The following SCN11A variants were observed in gnomAD, a reference collection of about 807,000 sequenced individuals.
The protein encoded by SCN11A is sodium voltage-gated channel alpha subunit 11.
Under a neutral mutation model 162.2 loss-of-function variants are expected in SCN11A, and 122 were observed. The ratio of observed to expected loss-of-function variants is 0.75; its 90% CI spans 0.65 to 0.87. The LOEUF (loss-of-function observed/expected upper bound fraction) is 0.87, where lower values mean the gene tolerates loss of function less well. Ranked by LOEUF, SCN11A falls within the 40% of genes least tolerant of loss-of-function variation. The pLI is 0.00. For synonymous variants in SCN11A, 758 were observed against 751.5 expected (o/e 1.01, Z -0.14); for missense variants, 2,015 against 2,181.6 (o/e 0.92, Z 1.52).
chr3:38,913,141 C>T lies in SCN11A; in HGVS notation c.960-2934G>A, dbSNP rs546682344. Among the ~76,000 whole-genome samples the T allele has an allele frequency of 3.3e-5, 5 of 152,196 alleles. No individual in the cohort carries two copies. In the South Asian group the frequency reaches 6.2e-4, roughly 19 times the overall value. The stretch of plus-strand genomic sequence containing the variant: ...TCCCTTTTCTCCACAACATTGCCAG[C>T]GTCTGTTATTTTTTGACTCTAATGA... On this transcript the variant is annotated intron_variant, in intron 11 of 29. Transcript: ENST00000302328.
chr3:38,909,184 G>T lies in SCN11A; in HGVS notation c.1112C>A (p.Thr371Asn). 6.2e-7 allele frequency: 1 copy of T among 1,613,962 alleles called. No homozygotes were observed. The highest frequency in any genetic ancestry group is 8.5e-7 in the Non-Finnish European group (1 of 1,179,870). The change falls in exon 13 of 30, where the codon ACT (threonine) becomes AAT (asparagine). Residue 371 changes from threonine (T) to asparagine (N), a missense_variant. By Grantham distance (65) the Thr-to-Asn change is moderately conservative (BLOSUM62 0). Coordinates refer to ENST00000302328, the MANE Select transcript of SCN11A (RefSeq NM_001349253.2). Reference protein sequence around the residue: ...WEKLYQQTLRTTGLYSVFFFI... With the variant: ...WEKLYQQTLRNTGLYSVFFFI... ...GAAGAAGACTGAGTAGAGCCCAGTA[G>T]TACGCAGGGTCTGCAAAGGACAGAG...
intron 28 of SCN11A, among the ~76,000 whole-genome samples, chr3:38,859,728 G>T (rs2064932008): frequency 6.6e-6 from 1 of 152,114 alleles, no homozygotes; most frequent in Non-Finnish European, 1.5e-5. Flanking sequence ...TCATTCCTGG[G>T]CATAGGCTGA....
At chr3:38,987,278 TTCTC>T (rs10546388) in intron 2 of SCN11A, among the ~76,000 whole-genome samples, 6,452 of 118,496 alleles carry the variant, frequency 0.054, 203 homozygotes, top group African/African-American at 0.092. Flanking sequence ...CCCAGTGCCT[TTCTC>T]TCTCTCTCTC....
intron 2 of SCN11A, among the ~76,000 whole-genome samples, chr3:39,019,842 C>A (rs1313277158): frequency 6.6e-6 from 1 of 152,184 alleles, no homozygotes; most frequent in Non-Finnish European, 1.5e-5. Context: ...TTCTTATCAT[C>A]GCTTTCATTG....
chr3:38,995,413 C>T (rs994983510), intron 2 of SCN11A, among the ~76,000 whole-genome samples: 1 of 152,154 alleles, frequency 6.6e-6, no homozygotes, highest in African/African-American at 2.4e-5. Context: ...AGCCATGGCA[C>T]CCGGCCAATT....
At chr3:39,048,310 A>G (rs2032233965) in intron 1 of SCN11A, among the ~76,000 whole-genome samples, 1 of 152,244 alleles carries the variant, frequency 6.6e-6, no homozygotes, top group African/African-American at 2.4e-5. Flanking sequence ...GTGAAAGAGA[A>G]ATAAGTTGAT....
At chr3:39,044,796 T>C (rs1028649928) in intron 1 of SCN11A, among the ~76,000 whole-genome samples, 2 of 151,976 alleles carry the variant, frequency 1.3e-5, no homozygotes, top group South Asian at 4.1e-4. Context: ...AACTCAAAAT[T>C]AGCATAAGGA....
intron 11 of SCN11A, among the ~76,000 whole-genome samples, chr3:38,910,787 T>C (rs2065876684): frequency 6.6e-6 from 1 of 152,206 alleles, no homozygotes; most frequent in African/African-American, 2.4e-5. Flanking sequence ...TTTCAGTAAT[T>C]GACAGTCCTT....
intron 22 of SCN11A, 142 bp downstream of exon 22, chr3:38,883,091 C>G: frequency 1.5e-6 from 1 of 675,574 alleles, no homozygotes; most frequent in East Asian, 2.7e-5. Context: ...GTGCAAAACC[C>G]TGCCCACTGC....
chr3:38,938,276 T>G (rs2066369672), intron 7 of SCN11A, among the ~76,000 whole-genome samples: 1 of 151,696 alleles, frequency 6.6e-6, no homozygotes, highest in Non-Finnish European at 1.5e-5. Context: ...ATATACCTAA[T>G]GCTAATTGAC....
chr3:38,927,512 A>C (rs577375573), intron 7 of SCN11A, among the ~76,000 whole-genome samples: 1 of 152,132 alleles, frequency 6.6e-6, no homozygotes, highest in African/African-American at 2.4e-5. Flanking sequence ...AACAATCTTG[A>C]AAAAAAACAA....
Position 38,872,254 on chromosome 3 carries a change from G to A in SCN11A, c.3434C>T (p.Ser1145Phe). ...CCTCAGTGCTCGTAGAGTCCGGAAG[G>A]ACTTCAATTCCATTAAGTTAATGAG... is the stretch of plus-strand genomic sequence containing the variant. ...TTLINLMELK[S>F]FRTLRALRPL... Residue 1145 changes from serine to phenylalanine, a missense_variant, in exon 24 of 30, where the codon TCC becomes TTC. Ser to Phe is a radical substitution (Grantham distance 155). Coordinates refer to ENST00000302328, the MANE Select transcript of SCN11A (RefSeq NM_001349253.2). 1 of 1,610,392 alleles carries A rather than the reference G, an allele frequency of 6.2e-7. No homozygotes were observed. The highest frequency in any genetic ancestry group is 1.1e-5 in the South Asian group (1 of 90,964).
chr3:39,033,310 C>A (rs2031813400), intron 1 of SCN11A, among the ~76,000 whole-genome samples: 1 of 152,280 alleles, frequency 6.6e-6, no homozygotes, highest in South Asian at 2.1e-4. Context: ...TTTATATTTA[C>A]TTTTTATATT....
chr3:39,023,712 G>A (rs1303540453), intron 2 of SCN11A, among the ~76,000 whole-genome samples: 18 of 150,986 alleles, frequency 1.2e-4, no homozygotes, highest in African/African-American at 3.7e-4. Flanking sequence ...GCATGATCTC[G>A]GCTCACTGCA....
chr3:38,856,111 C>A (rs2064864803), intron 28 of SCN11A, among the ~76,000 whole-genome samples: 1 of 152,206 alleles, frequency 6.6e-6, no homozygotes, highest in Non-Finnish European at 1.5e-5. Flanking sequence ...TTTCTCACAG[C>A]AGAAACACAA....
chr3:38,893,469 A>T (rs937002974), intron 19 of SCN11A, among the ~76,000 whole-genome samples: 1 of 152,192 alleles, frequency 6.6e-6, no homozygotes, highest in Admixed American at 6.5e-5. Context: ...AACTAGATAG[A>T]AGATCAACAG....
At chr3:38,921,010 C>T in intron 10 of SCN11A, 66 bp downstream of exon 10, 1 of 1,432,924 alleles carries the variant, frequency 7.0e-7, no homozygotes, top group Non-Finnish European at 9.8e-7. Context: ...GAAGGCAGGA[C>T]AAGTGAGGAT....
chr3:38,945,432 C>A lies in SCN11A; in HGVS notation c.467G>T (p.Ser156Ile), dbSNP rs1309169583. The change falls in exon 7 of 30, where the codon AGT (serine) becomes ATT (isoleucine). Residue 156 changes from serine to isoleucine, a missense_variant. Coordinates refer to ENST00000302328, the MANE Select transcript of SCN11A (RefSeq NM_001349253.2). ...MATGPAKNSN[S>I]NNTDIAECVF... ...TTACTCTGCAATGTCAGTATTGTTA[C>A]TGTTGCTGTTTTTAGCAGGCCCTGT... The A allele has an allele frequency of 6.2e-7, 1 of 1,609,886 alleles. No individual in the cohort carries two copies. Among genetic ancestry groups the A allele is most frequent in the South Asian group, 1.1e-5 (1 of 90,616 alleles).
At chr3:38,986,328 G>A (rs1233290363) in intron 2 of SCN11A, among the ~76,000 whole-genome samples, 2 of 142,064 alleles carry the variant, frequency 1.4e-5, no homozygotes, top group African/African-American at 6.0e-5. Context: ...AGGAATAGGA[G>A]TGGAATGATC....
Sources: allele counts gnomAD v4.1 joint callset (sites outside exome capture counted in the v4.1 genomes callset), GRCh38; gene constraint gnomAD v4.1.1; transcripts MANE v1.5; gene names NCBI Gene and HGNC (gene_info 2026-07-23, HGNC 2026-07-21).